The following LYPD6B variants were observed in gnomAD, a reference collection of about 807,000 sequenced individuals.
LYPD6B encodes LY6/PLAUR domain containing 6B, also known as ly6/PLAUR domain-containing protein 6B.
In LYPD6B, 17 loss-of-function variants were observed where a neutral mutation model predicts 22.8. That is an observed-to-expected ratio of 0.75 (90% CI 0.51 to 1.12). The LOEUF is 1.12. Ranked by LOEUF, LYPD6B falls within the 50% of genes most tolerant of loss-of-function variation. The probability of loss-of-function intolerance (pLI) is 0.00; values close to 1 mark genes in which losing one functional copy is unlikely to be tolerated. For missense variants in LYPD6B, 221 were observed against 258.3 expected (o/e 0.86, Z 0.99); for synonymous variants, 106 against 91.6 (o/e 1.16, Z -0.90).
At chr2:149,190,328 A>C (rs1692410176) in intron 3 of LYPD6B, among the ~76,000 whole-genome samples, 1 of 152,112 alleles carries the variant, frequency 6.6e-6, no homozygotes, top group Non-Finnish European at 1.5e-5. Context: ...ATTCCTTTTA[A>C]TGGACACTTG....
At chr2:149,093,531 C>T (rs979337893) in intron 1 of LYPD6B, among the ~76,000 whole-genome samples, 1 of 152,140 alleles carries the variant, frequency 6.6e-6, no homozygotes, top group Non-Finnish European at 1.5e-5. Flanking sequence ...TCTAAGTGCC[C>T]ATGGGCCATC....
chr2:149,205,440 G>A (rs777240330), intron 4 of LYPD6B, 36 bp downstream of exon 4: 2 of 1,606,368 alleles, frequency 1.2e-6, no homozygotes, highest in Non-Finnish European at 8.5e-7. Flanking sequence ...GTTCATGGCT[G>A]TGGGGCCAGA....
intron 1 of LYPD6B, chr2:149,101,140 T>C (rs949058357): frequency 3.9e-5 from 6 of 152,260 alleles, no homozygotes; most frequent in African/African-American, 1.4e-4. Flanking sequence ...CAAATTCAGC[T>C]GATTACTCAG....
chr2:149,108,385 A>C (rs1686584186), intron 1 of LYPD6B, among the ~76,000 whole-genome samples: 1 of 152,180 alleles, frequency 6.6e-6, no homozygotes, highest in Admixed American at 6.5e-5. Flanking sequence ...CATATTTCAA[A>C]GCTCTGTTTT....
intron 2 of LYPD6B, among the ~76,000 whole-genome samples, chr2:149,143,334 C>CT (rs35292057): frequency 0.63 from 93,786 of 148,056 alleles, 29,499 homozygotes; most frequent in South Asian, 0.75. Flanking sequence ...TTGGTTCCAA[C>CT]TTTTTTTTTT....
At chr2:149,112,772 A>G (rs1686820369) in intron 1 of LYPD6B, among the ~76,000 whole-genome samples, 1 of 152,184 alleles carries the variant, frequency 6.6e-6, no homozygotes, top group Admixed American at 6.5e-5. Flanking sequence ...ATACATTACT[A>G]GTGTAATTAA....
At chr2:149,139,247 T>C (rs1688544216) in intron 2 of LYPD6B, among the ~76,000 whole-genome samples, 1 of 152,176 alleles carries the variant, frequency 6.6e-6, no homozygotes. Flanking sequence ...CCATGAAACA[T>C]AACCCGTTCT....
At chr2:149,176,175 G>T (rs1453091351) in intron 3 of LYPD6B, among the ~76,000 whole-genome samples, 1 of 152,172 alleles carries the variant, frequency 6.6e-6, no homozygotes, top group East Asian at 1.9e-4. Context: ...TGACTATGAA[G>T]TCAATAAGGG....
At chr2:149,067,522 A>AT (rs1175745405) in intron 1 of LYPD6B, among the ~76,000 whole-genome samples, 3 of 149,612 alleles carry the variant, frequency 2.0e-5, no homozygotes, top group South Asian at 2.1e-4. Context: ...AAGTATGTAT[A>AT]TTTTTTCCTA....
chr2:149,145,085 G>A (rs1182703074), intron 2 of LYPD6B, among the ~76,000 whole-genome samples: 1 of 152,144 alleles, frequency 6.6e-6, no homozygotes, highest in African/African-American at 2.4e-5. Flanking sequence ...GATTCTTTAA[G>A]TGGTCCGTCA....
chr2:149,175,061 C>CTCTCTGTGTG lies in LYPD6B; in HGVS notation c.77+14227_77+14228insCTCTGTGTGT, dbSNP rs1454802925. On this transcript the variant is annotated intron_variant, in intron 3 of 6. Coordinates refer to ENST00000409642, the MANE Select transcript of LYPD6B (RefSeq NM_177964.5). ...TCTCTCTCTCTCTCTCTCTCTCTCTCTGTGTGTGTGTGTGTGTGTGTGTGT... is the reference window on the plus strand; with the variant it reads ...TCTCTCTCTCTCTCTCTCTCTCTCTCTCTCTGTGTGTGTGTGTGTGTGTGTGTGTGTGTGT... Among the ~76,000 whole-genome samples, 475 of 112,984 alleles carry CTCTCTGTGTG rather than the reference C, an allele frequency of 4.2e-3. 5 individuals carry two copies. The highest frequency in any genetic ancestry group is 0.015 in the Middle Eastern group (3 of 202). 74.1% of individuals were successfully genotyped at this position (112,984 alleles called of 152,430 possible).
chr2:149,085,848 A>G (rs1458653180), intron 1 of LYPD6B, among the ~76,000 whole-genome samples: 1 of 152,050 alleles, frequency 6.6e-6, no homozygotes, highest in Non-Finnish European at 1.5e-5. Flanking sequence ...CTTTTCTATC[A>G]CTAATATGGA....
intron 1 of LYPD6B, among the ~76,000 whole-genome samples, chr2:149,083,967 C>A (rs1012253773): frequency 3.5e-5 from 5 of 141,330 alleles, no homozygotes; most frequent in African/African-American, 1.0e-4. Context: ...CAAAAAAAAA[C>A]CGGGCGTAGT....
At chr2:149,071,417 T>C (rs1186514566) in intron 1 of LYPD6B, among the ~76,000 whole-genome samples, 2 of 152,182 alleles carry the variant, frequency 1.3e-5, no homozygotes, top group African/African-American at 4.8e-5. Flanking sequence ...TTCAAACAAA[T>C]CTTTGAAAGT....
chr2:149,124,014 C>A (rs1000699063), intron 1 of LYPD6B, among the ~76,000 whole-genome samples: 2 of 152,308 alleles, frequency 1.3e-5, no homozygotes, highest in Admixed American at 1.3e-4. Context: ...GGCTCCTTTG[C>A]TGTATGCTTT....
chr2:149,214,438 T>C (rs1694067096), intron 6 of LYPD6B, 108 bp from the exon 7 acceptor site: 1 of 1,178,978 alleles, frequency 8.5e-7, no homozygotes, highest in South Asian at 1.5e-5. Context: ...CAACTCCAAT[T>C]GTCTGTCTTC....
chr2:149,212,309 G>A (rs542665138), intron 5 of LYPD6B, among the ~76,000 whole-genome samples: 6 of 147,320 alleles, frequency 4.1e-5, no homozygotes, highest in South Asian at 4.3e-4. Flanking sequence ...GTGAACCCGG[G>A]AGGCAGGGCT....
In LYPD6B at chr2:149,040,159, G is replaced by A. The variant is rs114948660; in HGVS notation, c.-67+1358G>A. 5.0e-3 allele frequency among the ~76,000 whole-genome samples: 753 copies of A among 152,022 alleles called. 6 individuals carry two copies. The highest frequency in any genetic ancestry group is 0.015 in the African/African-American group (606 of 41,506). Reference sequence around the variant, plus strand: ...AGAGAGAGACAGAGACAAAGAGGGAGAGAGAGAATCCCATCTTCTCTATCC... The same window carrying A: ...AGAGAGAGACAGAGACAAAGAGGGAAAGAGAGAATCCCATCTTCTCTATCC... On this transcript the variant is annotated intron_variant, in intron 1 of 6. Transcript: ENST00000409642.
At chr2:149,164,669 T>C (rs1690305371) in intron 3 of LYPD6B, among the ~76,000 whole-genome samples, 1 of 152,228 alleles carries the variant, frequency 6.6e-6, no homozygotes, top group Admixed American at 6.5e-5. Context: ...ACCTTGGTGC[T>C]GAAAGCTTGC....
Sources: gnomAD v4.1 joint callset for allele counts (sites outside exome capture counted in the v4.1 genomes callset) on GRCh38, gnomAD v4.1.1 for gene constraint, MANE v1.5 for transcripts, NCBI Gene and HGNC (gene_info 2026-07-23, HGNC 2026-07-21) for gene names.